CHL1: variants seen among roughly 807,000 people sequenced by gnomAD.
CHL1 encodes the protein cell adhesion molecule L1 like, also known as neural cell adhesion molecule L1-like protein.
In CHL1, 96 loss-of-function variants were observed where a neutral mutation model predicts 141.9. The observed-to-expected ratio is 0.68, with a 90% CI of 0.57 to 0.80. The LOEUF is 0.80. Ranked by LOEUF, CHL1 falls within the 30% of genes least tolerant of loss-of-function variation. The probability of loss-of-function intolerance (pLI) is 0.00; values close to 1 mark genes in which losing one functional copy is unlikely to be tolerated. For synonymous variants in CHL1, 613 were observed against 502.2 expected, an observed-to-expected ratio of 1.22 and a Z score of -2.95; for missense variants, 1,820 against 1,457.2, an observed-to-expected ratio of 1.25 and a Z score of -4.05.
intron 2 of CHL1, among the ~76,000 whole-genome samples, chr3:276,563 A>T (rs1294985190): frequency 6.6e-6 from 1 of 152,104 alleles, no homozygotes; most frequent in Non-Finnish European, 1.5e-5. Context: ...TCTCAAAAAG[A>T]CTTCAATGGC....
chr3:369,235 ATT>A (rs34439657), intron 15 of CHL1, among the ~76,000 whole-genome samples: 3 of 149,378 alleles, frequency 2.0e-5, no homozygotes, highest in South Asian at 2.1e-4. Flanking sequence ...TGAGGATGGG[ATT>A]TTTTTTTTTC....
intron 2 of CHL1, among the ~76,000 whole-genome samples, chr3:271,781 AT>A (rs766932254): frequency 2.0e-5 from 3 of 152,198 alleles, no homozygotes; most frequent in Non-Finnish European, 2.9e-5. Flanking sequence ...CAAAGTGAAC[AT>A]TGATGAATGT....
At chr3:313,717 A>G (rs1010284173) in intron 2 of CHL1, among the ~76,000 whole-genome samples, 2 of 152,192 alleles carry the variant, frequency 1.3e-5, no homozygotes, top group African/African-American at 2.4e-5. Flanking sequence ...AGTCTTAACC[A>G]TTTGTATGCA....
chr3:259,823 C>T (rs1009311932), intron 2 of CHL1, among the ~76,000 whole-genome samples: 14 of 152,290 alleles, frequency 9.2e-5, no homozygotes, highest in Admixed American at 6.5e-4. Flanking sequence ...GGGTCCCAAG[C>T]TGGGCCTACA....
chr3:370,888 T>C (rs758083298), intron 15 of CHL1, among the ~76,000 whole-genome samples: 31 of 152,342 alleles, frequency 2.0e-4, no homozygotes, highest in Non-Finnish European at 3.4e-4. Context: ...AGCAAGTTTA[T>C]CAATTTCCAT....
chr3:249,494 G>C (rs1693484725), intron 2 of CHL1, among the ~76,000 whole-genome samples: 1 of 152,112 alleles, frequency 6.6e-6, no homozygotes, highest in Non-Finnish European at 1.5e-5. Flanking sequence ...TGCATTATTA[G>C]AAAAATGAAA....
intron 2 of CHL1, among the ~76,000 whole-genome samples, chr3:262,663 C>T (rs2125203325): frequency 6.6e-6 from 1 of 152,292 alleles, no homozygotes; most frequent in South Asian, 2.1e-4. Flanking sequence ...GCCTGGTACA[C>T]TGAAAAACAG....
intron 1 of CHL1, among the ~76,000 whole-genome samples, chr3:226,275 G>T (rs1327409609): frequency 1.3e-5 from 2 of 148,914 alleles, no homozygotes; most frequent in Non-Finnish European, 3.0e-5. Context: ...GCCTGCTTCG[G>T]CCTCCCAAAG....
intron 5 of CHL1, among the ~76,000 whole-genome samples, chr3:335,881 C>T (rs1297770783): frequency 6.6e-6 from 1 of 152,162 alleles, no homozygotes; most frequent in Non-Finnish European, 1.5e-5. Flanking sequence ...CCTACCTTGT[C>T]TCTGTGCGTT....
In CHL1 at chr3:325,988, T is replaced by C. The variant is rs1344490339; in HGVS notation, c.121T>C (p.Ser41Pro). The change falls in exon 4 of 28, where the codon TCA becomes CCA. Residue 41 changes from serine (S) to proline (P), a missense_variant. Ser to Pro is a moderately conservative substitution (Grantham distance 74, BLOSUM62 -1). Coordinates refer to ENST00000256509, the MANE Select transcript of CHL1 (RefSeq NM_006614.4). ...VQQVPTIIKQ[S>P]KVQVAFPFDE... ...ACAGGTTCCAACAATCATAAAACAG[T>C]CAAAAGTCCAAGTTGCCTTTCCCTT... is the stretch of plus-strand genomic sequence containing the variant. The C allele has an allele frequency of 3.1e-6, 5 of 1,611,478 alleles. No individual in the cohort carries two copies. The highest frequency in any genetic ancestry group is 1.7e-5 in the Admixed American group (1 of 59,738).
chr3:299,875 C>T (rs981284411), intron 2 of CHL1, among the ~76,000 whole-genome samples: 7 of 152,306 alleles, frequency 4.6e-5, no homozygotes, highest in African/African-American at 7.2e-5. Context: ...TTTGGAAATA[C>T]AATATCAAAA....
intron 10 of CHL1, among the ~76,000 whole-genome samples, chr3:354,432 A>AGC (rs1321359633): frequency 2.6e-4 from 9 of 34,438 alleles, no homozygotes; most frequent in Non-Finnish European, 1.7e-3. Flanking sequence ...ATTAAACACA[A>AGC]GCACACACAC....
intron 1 of CHL1, among the ~76,000 whole-genome samples, chr3:218,676 T>C (rs1267223772): frequency 6.6e-6 from 1 of 152,122 alleles, no homozygotes; most frequent in Non-Finnish European, 1.5e-5. Flanking sequence ...CTATGTGAAA[T>C]GATATGATTT....
intron 11 of CHL1, among the ~76,000 whole-genome samples, chr3:358,429 A>G (rs537598816): frequency 3.9e-4 from 59 of 152,200 alleles, no homozygotes; most frequent in Non-Finnish European, 7.1e-4. Context: ...TCCTACCTCA[A>G]TGTCCTTAAT....
intron 10 of CHL1, among the ~76,000 whole-genome samples, chr3:353,258 A>G (rs984232947): frequency 2.0e-5 from 3 of 152,196 alleles, no homozygotes; most frequent in Admixed American, 1.3e-4. Flanking sequence ...GTAATTTTCT[A>G]TTATAAATAT....
chr3:333,124 A>ATTGTTTTTTTTTTTTTTTTTTTT (rs1701576115), intron 5 of CHL1, among the ~76,000 whole-genome samples: 1 of 83,310 alleles, frequency 1.2e-5, no homozygotes, highest in African/African-American at 4.6e-5. Flanking sequence ...TAATTGCTCT[A>ATTGTTTTTTTTTTTTTTTTTTTT]TTTTTTTTAT....
In CHL1 at chr3:201,896, CA is replaced by C. The variant is rs1446406713; in HGVS notation, c.-175+4835del. On this transcript the variant is annotated intron_variant, in intron 1 of 27. Transcript: ENST00000256509. ...ACTACAATTGTGCCATTTTCCTATA[CA>C]ACCTATGAATTTTAGTGTGCATCAC... 1.1e-4 allele frequency among the ~76,000 whole-genome samples: 16 copies of C among 152,298 alleles called. 1 individual carries two copies. In the East Asian group the frequency reaches 3.1e-3, roughly 29 times the overall value.
intron 1 of CHL1, among the ~76,000 whole-genome samples, chr3:231,909 G>T (rs775413792): frequency 6.6e-6 from 1 of 151,932 alleles, no homozygotes; most frequent in East Asian, 1.9e-4. Context: ...GAATGTGTTT[G>T]GTGTGACACT....
At chr3:358,609 A>G (rs989595483) in intron 11 of CHL1, among the ~76,000 whole-genome samples, 1 of 152,258 alleles carries the variant, frequency 6.6e-6, no homozygotes, top group South Asian at 2.1e-4. Flanking sequence ...ATAAGTATTT[A>G]CTGGCTGGAT....
Sources: gnomAD v4.1 joint callset for allele counts (sites outside exome capture counted in the v4.1 genomes callset) on GRCh38, gnomAD v4.1.1 for gene constraint, MANE v1.5 for transcripts, NCBI Gene and HGNC (gene_info 2026-07-23, HGNC 2026-07-21) for gene names.